LAMC1: variants seen among roughly 807,000 people sequenced by gnomAD.
LAMC1 encodes the protein laminin subunit gamma 1, also known as laminin subunit gamma-1.
A neutral mutation model predicts 173.6 loss-of-function variants in LAMC1; 38 were observed. That is an observed-to-expected ratio of 0.22 (90% confidence interval 0.17 to 0.29). The LOEUF (loss-of-function observed/expected upper bound fraction) is 0.29. Ranked by LOEUF, LAMC1 falls within the 10% of genes least tolerant of loss-of-function variation. LAMC1 has a pLI of 1.00. For synonymous variants in LAMC1, 746 were observed against 749.1 expected (o/e 1.00, Z 0.07); for missense variants, 1,824 against 2,051.8 (o/e 0.89, Z 2.14).
Position 183,124,622 on chromosome 1 carries a change from C to T in LAMC1, c.2402-9C>T. The T allele has an allele frequency of 6.2e-7, 1 of 1,614,144 alleles. No individual in the cohort carries two copies. Among genetic ancestry groups the T allele is most frequent in the Non-Finnish European group, 8.5e-7 (1 of 1,179,992 alleles). On this transcript the variant is annotated splice_polypyrimidine_tract_variant and intron_variant, in intron 13 of 27. Transcript: ENST00000258341. Reference sequence around the variant, plus strand: ...TTTCTTTCATAACATCAGATTGTCTCATCCCCAGGTAAGAGATGTGAGCTC... The same window carrying T: ...TTTCTTTCATAACATCAGATTGTCTTATCCCCAGGTAAGAGATGTGAGCTC...
At chr1:183,108,249 T>C (rs1457702057) in intron 2 of LAMC1, 27 bp from the exon 3 acceptor site, 1 of 1,607,216 alleles carries the variant, frequency 6.2e-7, no homozygotes, top group East Asian at 2.2e-5. Flanking sequence ...ACTTCTCTTT[T>C]ATGTTTCTAT....
chr1:183,027,325 C>A (rs1462182667), intron 1 of LAMC1, among the ~76,000 whole-genome samples: 1 of 152,128 alleles, frequency 6.6e-6, no homozygotes, highest in Admixed American at 6.5e-5. Context: ...TCACCTTCAA[C>A]TTCTGGATGG....
intron 1 of LAMC1, among the ~76,000 whole-genome samples, chr1:183,030,616 G>C (rs1653826228): frequency 6.6e-6 from 1 of 152,018 alleles, no homozygotes; most frequent in East Asian, 1.9e-4. Flanking sequence ...GTAGTATGTG[G>C]TTTTATTTCT....
intron 1 of LAMC1, among the ~76,000 whole-genome samples, chr1:183,056,678 G>A (rs1185856413): frequency 6.6e-6 from 1 of 152,190 alleles, no homozygotes; most frequent in Admixed American, 6.5e-5. Context: ...ATACAGGTGA[G>A]GAAGCTGAGG....
chr1:183,068,240 T>G (rs1010253245), intron 1 of LAMC1, among the ~76,000 whole-genome samples: 14 of 152,262 alleles, frequency 9.2e-5, no homozygotes, highest in South Asian at 4.2e-4. Flanking sequence ...TATTGTTTTT[T>G]TTTGTGTGTG....
In LAMC1 at chr1:183,046,989, A is replaced by G. The variant is rs1571406995; in HGVS notation, c.418+22855A>G. On this transcript the variant is annotated intron_variant, in intron 1 of 27. Coordinates refer to ENST00000258341, the MANE Select transcript of LAMC1 (RefSeq NM_002293.4). The stretch of plus-strand genomic sequence containing the variant: ...TACCTCACTTTTTTTGTAAAGAGGT[A>G]TGATACTAACAGTTTCTTTCAGCTT... Among the ~76,000 whole-genome samples the G allele has an allele frequency of 2.6e-5, 4 of 152,282 alleles. No homozygotes were observed. In the South Asian group the frequency reaches 8.3e-4, roughly 32 times the overall value.
intron 11 of LAMC1, among the ~76,000 whole-genome samples, chr1:183,119,889 G>A (rs1023738047): frequency 5.3e-5 from 8 of 152,236 alleles, no homozygotes; most frequent in Non-Finnish European, 1.0e-4. Flanking sequence ...TGTTAAAACT[G>A]TCCAGGCGTG....
At chr1:183,048,883 C>T (rs1654337140) in intron 1 of LAMC1, among the ~76,000 whole-genome samples, 1 of 152,136 alleles carries the variant, frequency 6.6e-6, no homozygotes, top group South Asian at 2.1e-4. Context: ...AAAGCCCTCT[C>T]GAAAATACCA....
intron 24 of LAMC1, among the ~76,000 whole-genome samples, chr1:183,135,989 T>C (rs187912952): frequency 6.6e-6 from 1 of 152,074 alleles, no homozygotes; most frequent in African/African-American, 2.4e-5. Flanking sequence ...GTCATGTAAC[T>C]TCTTTAATCC....
intron 1 of LAMC1, among the ~76,000 whole-genome samples, chr1:183,091,127 C>T (rs917944488): frequency 2.0e-5 from 3 of 151,406 alleles, no homozygotes; most frequent in Non-Finnish European, 2.9e-5. Flanking sequence ...TTTTTTTTCA[C>T]GATAGTAGAG....
intron 1 of LAMC1, among the ~76,000 whole-genome samples, chr1:183,090,178 C>A (rs1655529531): frequency 6.6e-6 from 1 of 151,712 alleles, no homozygotes; most frequent in South Asian, 2.1e-4. Flanking sequence ...TCTGGAATCA[C>A]AAATAAAAGC....
intron 1 of LAMC1, among the ~76,000 whole-genome samples, chr1:183,045,445 A>G (rs994693131): frequency 1.3e-5 from 2 of 152,046 alleles, no homozygotes; most frequent in Admixed American, 6.6e-5. Flanking sequence ...CTTTGTAAAA[A>G]TGGTATTCTA....
chr1:183,047,598 T>A (rs979200757), intron 1 of LAMC1, among the ~76,000 whole-genome samples: 1 of 152,130 alleles, frequency 6.6e-6, no homozygotes, highest in Non-Finnish European at 1.5e-5. Context: ...TAGATATGAG[T>A]CTTTTAAGTT....
chr1:183,129,827 G>GA (rs1282536592), intron 18 of LAMC1, among the ~76,000 whole-genome samples: 1 of 108,194 alleles, frequency 9.2e-6, no homozygotes, highest in Non-Finnish European at 2.1e-5. Context: ...AAATTACACT[G>GA]ATATGCTGGC....
At chr1:183,077,447 G>A (rs1655144345) in intron 1 of LAMC1, among the ~76,000 whole-genome samples, 1 of 151,982 alleles carries the variant, frequency 6.6e-6, no homozygotes. Context: ...TGGGGTACAG[G>A]TGGTGTTTGG....
At chr1:183,028,152 CT>C (rs397862671) in intron 1 of LAMC1, among the ~76,000 whole-genome samples, 16,202 of 141,042 alleles carry the variant, frequency 0.11, 1,056 homozygotes, top group Admixed American at 0.21. Context: ...TAAGGCATTC[CT>C]CCCCCCCCCC....
At chr1:183,102,565 A>T (rs1244483560) in intron 1 of LAMC1, among the ~76,000 whole-genome samples, 1 of 152,222 alleles carries the variant, frequency 6.6e-6, no homozygotes, top group Non-Finnish European at 1.5e-5. Flanking sequence ...CATCCTGACC[A>T]TAAGACCACA....
At position 183,023,882 on chromosome 1, in the gene LAMC1, A is replaced by C. The variant is rs760124528; in HGVS notation, c.166A>C (p.Asn56His). The C allele has an allele frequency of 1.9e-6, 3 of 1,612,454 alleles. No individual in the cohort carries two copies. The South Asian group carries it at 3.3e-5, about 18-fold the overall frequency. Reference protein sequence around the residue: ...RPQRCMPEFVNAAFNVTVVAT... With the variant: ...RPQRCMPEFVHAAFNVTVVAT... ...GCAGCGCTGCATGCCCGAGTTCGTC[A>C]ACGCCGCCTTCAACGTGACTGTGGT... Residue 56 changes from asparagine to histidine, a missense_variant, in exon 1 of 28, where the codon AAC becomes CAC. Physicochemically the swap from Asn to His is moderately conservative, Grantham distance 68. Transcript: ENST00000258341.
rs765333890 is a variant in LAMC1, at chr1:183,130,491, G to A, written c.3428G>A (p.Arg1143Gln). The A allele has an allele frequency of 2.4e-5, 39 of 1,614,032 alleles. No individual in the cohort carries two copies. The highest frequency in any genetic ancestry group is 2.9e-5 in the Non-Finnish European group (34 of 1,180,046). The change falls in exon 19 of 28, where the codon CGG (arginine) becomes CAG (glutamine). Residue 1143 changes from arginine (R) to glutamine (Q), a missense_variant. Physicochemically the swap from Arg to Gln is conservative, Grantham distance 43. Coordinates refer to ENST00000258341, the MANE Select transcript of LAMC1 (RefSeq NM_002293.4). ...QARAHVENTERLIEIASRELE... is the reference protein window; with the variant it reads ...QARAHVENTEQLIEIASRELE... Reference sequence around the variant, plus strand: ...CGTGCCCATGTAGAGAACACAGAGCGGTTGATTGAAATCGCATCCAGAGAA... The same window carrying A: ...CGTGCCCATGTAGAGAACACAGAGCAGTTGATTGAAATCGCATCCAGAGAA...
Sources: gnomAD v4.1 joint callset for allele counts (sites outside exome capture counted in the v4.1 genomes callset) on GRCh38, gnomAD v4.1.1 for gene constraint, MANE v1.5 for transcripts, NCBI Gene and HGNC (gene_info 2026-07-23, HGNC 2026-07-21) for gene names.